Variants in PPFIBP1 observed in about 807,000 individuals in gnomAD.
PPFIBP1 encodes PPFIB scaffold protein 1, also known as liprin-beta-1.
A neutral mutation model predicts 137.8 loss-of-function variants in PPFIBP1; 112 were observed. The observed-to-expected ratio is 0.81, with a 90% confidence interval of 0.70 to 0.95. PPFIBP1 has a LOEUF of 0.95. Ranked by LOEUF, PPFIBP1 falls within the 40% of genes least tolerant of loss-of-function variation. PPFIBP1 has a pLI of 0.00. For synonymous variants in PPFIBP1, 378 were observed against 417.3 expected (o/e 0.91, Z 1.15); for missense variants, 1,083 against 1,196.6 (o/e 0.91, Z 1.40).
chr12:27,633,835 CTTTTTTTT>C (rs56705005), intron 3 of PPFIBP1, among the ~76,000 whole-genome samples: 2 of 113,014 alleles, frequency 1.8e-5, no homozygotes, highest in Admixed American at 1.9e-4. Flanking sequence ...ACTCCCGTAT[CTTTTTTTT>C]TTTTTTTTTT....
intron 12 of PPFIBP1, among the ~76,000 whole-genome samples, chr12:27,666,250 C>G (rs2059849235): frequency 6.6e-6 from 1 of 152,134 alleles, no homozygotes; most frequent in South Asian, 2.1e-4. Flanking sequence ...TACAGCAGCA[C>G]AGATTTTCTT....
chr12:27,549,565 A>T (rs866407596), intron 1 of PPFIBP1: 3,364 of 147,070 alleles, frequency 0.023, 122 homozygotes, highest in African/African-American at 0.076. Context: ...ACCAGAATTA[A>T]AAAAAAAAAA....
At chr12:27,658,718 T>C (rs2059364860) in intron 9 of PPFIBP1, 98 bp from the exon 10 acceptor site, 3 of 1,336,856 alleles carry the variant, frequency 2.2e-6, no homozygotes, top group South Asian at 1.3e-5. Flanking sequence ...AGATTTCCGT[T>C]ATTTTAGGTA....
At chr12:27,622,769 G>A (rs1174302049) in intron 2 of PPFIBP1, among the ~76,000 whole-genome samples, 1 of 152,182 alleles carries the variant, frequency 6.6e-6, no homozygotes, top group East Asian at 1.9e-4. Flanking sequence ...TTGCAGGTAT[G>A]TGTGTGTGTA....
intron 17 of PPFIBP1, among the ~76,000 whole-genome samples, chr12:27,675,512 C>CA (rs958087072): frequency 1.3e-4 from 20 of 150,944 alleles, no homozygotes; most frequent in African/African-American, 4.4e-4. Context: ...TCTACTTCTG[C>CA]AAAAAAAAGA....
chr12:27,676,705 A>G (rs1312528582), intron 18 of PPFIBP1, 106 bp downstream of exon 18: 25 of 1,197,660 alleles, frequency 2.1e-5, no homozygotes, highest in Non-Finnish European at 2.8e-5. Flanking sequence ...TCTCTTTCTC[A>G]GAAACGAAGG....
chr12:27,575,538 A>C (rs2050485295), intron 1 of PPFIBP1, among the ~76,000 whole-genome samples: 1 of 152,210 alleles, frequency 6.6e-6, no homozygotes, highest in South Asian at 2.1e-4. Flanking sequence ...CTTATTTAAC[A>C]GTTGGAGAAT....
chr12:27,537,427 G>T (rs1446610463), intron 1 of PPFIBP1, among the ~76,000 whole-genome samples: 1 of 152,040 alleles, frequency 6.6e-6, no homozygotes, highest in South Asian at 2.1e-4. Flanking sequence ...CACCGCGCCC[G>T]GCCCCCCGTT....
At chr12:27,674,395 A>C (rs2060375950) in intron 17 of PPFIBP1, among the ~76,000 whole-genome samples, 174 bp downstream of exon 17, 1 of 149,926 alleles carries the variant, frequency 6.7e-6, no homozygotes, top group Admixed American at 6.8e-5. Flanking sequence ...CATCCAGAAC[A>C]GATAAATCTA....
At chr12:27,688,001 G>A (rs867825333) in intron 25 of PPFIBP1, among the ~76,000 whole-genome samples, 6 of 152,068 alleles carry the variant, frequency 3.9e-5, no homozygotes, top group South Asian at 2.1e-4. Flanking sequence ...AGGAGGATCC[G>A]TCTGAGCCTG....
chr12:27,668,988 A>AT (rs987581630), intron 13 of PPFIBP1, among the ~76,000 whole-genome samples: 248 of 151,416 alleles, frequency 1.6e-3, no homozygotes, highest in African/African-American at 5.8e-3. Context: ...TTTTAGTGTA[A>AT]TTTTTTTTTG....
At chr12:27,538,140 A>G (rs1193502840) in intron 1 of PPFIBP1, 3 of 152,294 alleles carry the variant, frequency 2.0e-5, no homozygotes, top group Non-Finnish European at 2.9e-5. Context: ...CAATCCCTGG[A>G]TGGCTTTAAG....
chr12:27,561,766 A>T (rs2049184050), intron 1 of PPFIBP1, among the ~76,000 whole-genome samples: 1 of 151,946 alleles, frequency 6.6e-6, no homozygotes. Flanking sequence ...TCTGCTTGGG[A>T]TGCTTTCCCC....
At chr12:27,621,972 A>G (rs563564434) in intron 2 of PPFIBP1, among the ~76,000 whole-genome samples, 1 of 152,382 alleles carries the variant, frequency 6.6e-6, no homozygotes, top group East Asian at 1.9e-4. Flanking sequence ...ACATATAAGC[A>G]GTCCAACTAC....
intron 1 of PPFIBP1, among the ~76,000 whole-genome samples, chr12:27,567,320 C>T (rs2049765473): frequency 6.6e-6 from 1 of 152,116 alleles, no homozygotes; most frequent in South Asian, 2.1e-4. Context: ...CCTAATGAAA[C>T]CCTAATTTAA....
At chr12:27,601,940 A>C (rs1390428653) in intron 2 of PPFIBP1, among the ~76,000 whole-genome samples, 1 of 152,236 alleles carries the variant, frequency 6.6e-6, no homozygotes, top group Non-Finnish European at 1.5e-5. Flanking sequence ...GAATTAAACA[A>C]AAATTGATTC....
At chr12:27,539,961 A>G (rs1945468062) in intron 1 of PPFIBP1, among the ~76,000 whole-genome samples, 1 of 152,114 alleles carries the variant, frequency 6.6e-6, no homozygotes, top group Non-Finnish European at 1.5e-5. Flanking sequence ...TCCTTACACT[A>G]CTAAAATGTC....
intron 7 of PPFIBP1, among the ~76,000 whole-genome samples, chr12:27,650,470 G>T (rs1593137691): frequency 1.3e-5 from 2 of 151,984 alleles, no homozygotes; most frequent in African/African-American, 4.8e-5. Context: ...GTAAATAATG[G>T]GCTTAAATAC....
At chr12:27,637,206 C>T (rs1431744855) in intron 4 of PPFIBP1, 1 of 152,004 alleles carries the variant, frequency 6.6e-6, no homozygotes, top group African/African-American at 2.4e-5. Flanking sequence ...AGATTTTTGC[C>T]CTTATTTTAA....
Sources: gnomAD v4.1 joint callset for allele counts (sites outside exome capture counted in the v4.1 genomes callset) on GRCh38, gnomAD v4.1.1 for gene constraint, MANE v1.5 for transcripts, NCBI Gene and HGNC (gene_info 2026-07-23, HGNC 2026-07-21) for gene names.